Variants in KIF17 observed in about 807,000 individuals in gnomAD.
KIF17 encodes the protein kinesin-like protein KIF17.
KIF17 carries 80 observed loss-of-function variants against 96.8 expected under a neutral mutation model. That is an observed-to-expected ratio of 0.83 (90% CI 0.69 to 1.00). The LOEUF (loss-of-function observed/expected upper bound fraction) is 1.00, where lower values mean the gene tolerates loss of function less well. Ranked by LOEUF, KIF17 falls within the 50% of genes least tolerant of loss-of-function variation. The pLI is 0.00. For synonymous variants in KIF17, 567 were observed against 587.5 expected (o/e 0.97, Z 0.51); for missense variants, 1,280 against 1,372.9 (o/e 0.93, Z 1.07).
In KIF17 at chr1:20,699,207, C is replaced by A. The variant is rs919138015; in HGVS notation, c.1124-719G>T. Among the ~76,000 whole-genome samples, 2 of 152,112 alleles carry A rather than the reference C, an allele frequency of 1.3e-5. No homozygotes were observed. Among genetic ancestry groups the A allele is most frequent in the African/African-American group, 2.4e-5 (1 of 41,420 alleles). ...CAAGCAATCTTCTCATCTCGGCCTG[C>A]GAAAGTGCTGGGATTACAGGGGTGA... On this transcript the variant is annotated intron_variant, in intron 5 of 14. Coordinates refer to ENST00000400463, the MANE Select transcript of KIF17 (RefSeq NM_001122819.3). This position sits in a 1 kb window ranked among gnomAD's most constrained non-coding sequence, Gnocchi z 4.3.
At chr1:20,715,086 C>T (rs1000646534) in intron 2 of KIF17, among the ~76,000 whole-genome samples, 2 of 152,176 alleles carry the variant, frequency 1.3e-5, no homozygotes, top group African/African-American at 4.8e-5. Flanking sequence ...CTCAACCTCC[C>T]TATCTCAAAA....
intron 6 of KIF17, among the ~76,000 whole-genome samples, chr1:20,690,681 CA>C (rs769389082): frequency 6.9e-6 from 1 of 144,312 alleles, no homozygotes; most frequent in Non-Finnish European, 1.5e-5. Flanking sequence ...CCACCATCAG[CA>C]AAAAAAAATT....
chr1:20,682,903 A>G lies in KIF17; in HGVS notation c.2232-19T>C, dbSNP rs771821302. 5.0e-6 allele frequency: 8 copies of G among 1,601,082 alleles called. No homozygotes were observed. Among genetic ancestry groups the G allele is most frequent in the South Asian group, 1.1e-5 (1 of 90,964 alleles). On this transcript the variant is annotated intron_variant, in intron 10 of 14. Coordinates refer to ENST00000400463, the MANE Select transcript of KIF17 (RefSeq NM_001122819.3). Reference sequence around the variant, plus strand: ...CTGCAGACTGCCGGCGTGGAGGAGAAAGCAAACAAGACAATATCTGCCCAT... The same window carrying G: ...CTGCAGACTGCCGGCGTGGAGGAGAGAGCAAACAAGACAATATCTGCCCAT...
intron 11 of KIF17, among the ~76,000 whole-genome samples, chr1:20,677,908 T>C (rs915580807): frequency 2.6e-5 from 4 of 152,234 alleles, no homozygotes; most frequent in African/African-American, 4.8e-5. Context: ...ACCTTCAGGA[T>C]ACTATACATT....
chr1:20,665,421 A>G (rs1289458621), intron 14 of KIF17, among the ~76,000 whole-genome samples: 6 of 113,854 alleles, frequency 5.3e-5, no homozygotes, highest in Non-Finnish European at 8.9e-5. Flanking sequence ...TTTTTTTGAG[A>G]CAGGGTCTCA....
At chr1:20,680,816 G>C (rs1475030496) in intron 11 of KIF17, among the ~76,000 whole-genome samples, 1 of 151,838 alleles carries the variant, frequency 6.6e-6, no homozygotes, top group Admixed American at 6.6e-5. Context: ...GGAGCATTAA[G>C]AAAAGATATA....
rs1401494464 is a variant in KIF17 at position 20,717,868 on chromosome 1, C to T, written c.-162G>A. On this transcript the variant is annotated 5_prime_UTR_variant, in exon 1 of 15. Coordinates refer to ENST00000400463, the MANE Select transcript of KIF17 (RefSeq NM_001122819.3). ...GGGCGGGGACCCCTCGGGGGGCGCCCCGGAGGGGAGCTGGGCGTCGCAGGA... is the reference window on the plus strand; with the variant it reads ...GGGCGGGGACCCCTCGGGGGGCGCCTCGGAGGGGAGCTGGGCGTCGCAGGA... The T allele has an allele frequency of 1.1e-5, 4 of 376,998 alleles. No homozygotes were observed. The highest frequency in any genetic ancestry group is 1.3e-5 in the Non-Finnish European group (4 of 312,998). The allele number at this position is 376,998 out of a possible 1,614,324, so 23.4% of individuals were successfully genotyped here.
At chr1:20,711,665 G>A (rs915446061) in intron 3 of KIF17, among the ~76,000 whole-genome samples, 1 of 152,166 alleles carries the variant, frequency 6.6e-6, no homozygotes, top group Non-Finnish European at 1.5e-5. Flanking sequence ...GTTCTGTGAT[G>A]GTAGTTTACA....
intron 12 of KIF17, 64 bp from the exon 13 acceptor site, chr1:20,670,552 G>A: frequency 7.4e-6 from 11 of 1,486,556 alleles, no homozygotes; most frequent in Non-Finnish European, 1.0e-5. Context: ...GGAGGGCACA[G>A]GTGGAGGTGG....
chr1:20,684,385 G>GA (rs1553150207), intron 10 of KIF17, among the ~76,000 whole-genome samples: 4 of 152,250 alleles, frequency 2.6e-5, no homozygotes, highest in Non-Finnish European at 5.9e-5. Flanking sequence ...CCGAGGCTCA[G>GA]AAAAGTTAAG....
intron 2 of KIF17, among the ~76,000 whole-genome samples, chr1:20,714,072 A>G (rs1293310304): frequency 2.6e-5 from 4 of 152,148 alleles, no homozygotes; most frequent in Admixed American, 1.3e-4. Flanking sequence ...TCACGCCTGC[A>G]ATCCCAGCAC....
In KIF17 at chr1:20,675,826, GTCT is replaced by G. The variant is rs1274407806; in HGVS notation, c.2464-3633_2464-3631del. Among the ~76,000 whole-genome samples the G allele has an allele frequency of 3.3e-5, 5 of 152,150 alleles. No homozygotes were observed. The East Asian group carries it at 9.6e-4, about 29-fold the overall frequency. ...ATGAGATGTCTTTCCATTTATTTTG[GTCT>G]TCTTAATTACTTTCACATTTTTTCA... On this transcript the variant is annotated intron_variant, in intron 11 of 14. Coordinates refer to ENST00000400463, the MANE Select transcript of KIF17 (RefSeq NM_001122819.3).
intron 13 of KIF17, 31 bp downstream of exon 13, chr1:20,670,390 G>C (rs57130430): frequency 6.2e-7 from 1 of 1,606,660 alleles, no homozygotes; most frequent in Non-Finnish European, 8.5e-7. Context: ...CCCAGCCCCC[G>C]ACACCCCACT....
At chr1:20,696,773 T>C (rs1398553467) in intron 6 of KIF17, among the ~76,000 whole-genome samples, 4 of 151,924 alleles carry the variant, frequency 2.6e-5, no homozygotes, top group African/African-American at 9.7e-5. Context: ...AGCCCCGCTG[T>C]GTGACTCCAT....
At position 20,687,597 on chromosome 1, in the gene KIF17, G is replaced by A. The variant is rs2053961867; in HGVS notation, c.1729C>T (p.Leu577=). The part of the protein sequence containing the change: ...PTEESRSRYF[L]DECLGQEAAG... Reference sequence around the variant, plus strand: ...GCCTCCTGCCCGAGGCACTCATCCAGGAAGTATCTGCTCCTGGACTCCTCA... The same window carrying A: ...GCCTCCTGCCCGAGGCACTCATCCAAGAAGTATCTGCTCCTGGACTCCTCA... Residue 577 remains leucine (L), a synonymous_variant, in exon 8 of 15, where the codon CTG becomes TTG. Transcript: ENST00000400463. This position sits in a 1 kb window ranked among gnomAD's most constrained non-coding sequence, Gnocchi z 4.4. 2 of 1,614,126 alleles carry A rather than the reference G, an allele frequency of 1.2e-6. No individual in the cohort carries two copies. The highest frequency in any genetic ancestry group is 1.7e-6 in the Non-Finnish European group (2 of 1,180,016).
At chr1:20,696,517 C>T (rs12739943) in intron 6 of KIF17, among the ~76,000 whole-genome samples, 13,311 of 151,968 alleles carry the variant, frequency 0.088, 672 homozygotes, top group Non-Finnish European at 0.092. Context: ...GGCAGGCGAC[C>T]CCATCCCCAG....
At position 20,682,259 on chromosome 1, in the gene KIF17, G is replaced by A. The variant is rs149253693; in HGVS notation, c.2463+394C>T. Among the ~76,000 whole-genome samples the A allele has an allele frequency of 3.4e-3, 521 of 152,320 alleles. 5 individuals are homozygous for A. Among genetic ancestry groups the A allele is most frequent in the African/African-American group, 0.012 (489 of 41,560 alleles). The stretch of plus-strand genomic sequence containing the variant: ...CAGCGACAGGGACACATCTGTCACT[G>A]TGACTGCTCTGCCTGCCAGCATCAG... On this transcript the variant is annotated intron_variant, in intron 11 of 14. Transcript: ENST00000400463.
chr1:20,695,262 A>C (rs754729600), intron 6 of KIF17, among the ~76,000 whole-genome samples: 1 of 151,868 alleles, frequency 6.6e-6, no homozygotes, highest in African/African-American at 2.4e-5. Flanking sequence ...ATCTCGGCTC[A>C]CTGCAACCTC....
At chr1:20,710,550 T>A (rs1461175570) in intron 3 of KIF17, among the ~76,000 whole-genome samples, 1 of 152,122 alleles carries the variant, frequency 6.6e-6, no homozygotes, top group Non-Finnish European at 1.5e-5. Context: ...ACGGTATTTT[T>A]CAAGTGTGAG....
Sources: allele counts gnomAD v4.1 joint callset (sites outside exome capture counted in the v4.1 genomes callset), GRCh38; gene constraint gnomAD v4.1.1; non-coding constraint Gnocchi (gnomAD v3.1); transcripts MANE v1.5; gene names NCBI Gene and HGNC (gene_info 2026-07-23, HGNC 2026-07-21).